SLAMF6: variants seen among roughly 807,000 people sequenced by gnomAD.
SLAMF6 encodes the protein SLAM family member 6, also known as NK-T-B-antigen.
A neutral mutation model predicts 38.3 loss-of-function variants in SLAMF6; 21 were observed. That is an observed-to-expected ratio of 0.55 (90% CI 0.39 to 0.79). The LOEUF (loss-of-function observed/expected upper bound fraction) is 0.79. Ranked by LOEUF, SLAMF6 falls within the 30% of genes least tolerant of loss-of-function variation. The pLI, the probability that SLAMF6 is intolerant of heterozygous loss-of-function variation, is 0.00. For synonymous variants in SLAMF6, 152 were observed against 146.3 expected, an observed-to-expected ratio of 1.04 and a Z score of -0.28; for missense variants, 341 against 385.3, an observed-to-expected ratio of 0.89 and a Z score of 0.96.
At chr1:160,516,019 GA>G (rs1334615102) in intron 1 of SLAMF6, among the ~76,000 whole-genome samples, 1 of 152,136 alleles carries the variant, frequency 6.6e-6, no homozygotes, top group African/African-American at 2.4e-5. Context: ...TCAGGCAAGA[GA>G]AAGAAATAAA....
rs187442947 is a variant in SLAMF6, at chr1:160,512,471, C to A, written c.49+10673G>T. Among the ~76,000 whole-genome samples the A allele has an allele frequency of 2.6e-4, 39 of 151,656 alleles. 1 individual carries two copies. In the East Asian group the frequency reaches 6.6e-3, roughly 26 times the overall value. ...CTGGGCAGTCTGGATAAGTAGGATC[C>A]CCCCCACCACAGCACATCCTTTCTG... On this transcript the variant is annotated intron_variant, in intron 1 of 7. Coordinates refer to ENST00000368057, the MANE Select transcript of SLAMF6 (RefSeq NM_001184714.2).
chr1:160,491,324 G>C lies in SLAMF6; in HGVS notation c.447C>G (p.Leu149=). 1 of 1,614,016 alleles carries C rather than the reference G, an allele frequency of 6.2e-7. No individual in the cohort carries two copies. Among genetic ancestry groups the C allele is most frequent in the African/African-American group, 1.3e-5 (1 of 75,002 alleles). The part of the protein sequence containing the change: ...SQLFQNMTCE[L]HLTCSVEDAD... ...CATCCTCCACAGAGCAAGTCAGATG[G>C]AGCTCACAGGTCATATTCTGAAATA... Residue 149 remains leucine, a synonymous_variant, in exon 3 of 8, where the codon CTC becomes CTG. Transcript: ENST00000368057.
intron 1 of SLAMF6, among the ~76,000 whole-genome samples, chr1:160,503,013 A>C (rs774612172): frequency 1.3e-5 from 2 of 152,176 alleles, no homozygotes; most frequent in African/African-American, 4.8e-5. Context: ...GAGTATTCAA[A>C]ACGGTGTCAT....
intron 1 of SLAMF6, among the ~76,000 whole-genome samples, chr1:160,517,135 T>C (rs1214166054): frequency 6.6e-6 from 1 of 151,934 alleles, no homozygotes; most frequent in Non-Finnish European, 1.5e-5. Context: ...AATATCCAGA[T>C]TCTACAAGGA....
rs1220097021 is a variant in SLAMF6, at chr1:160,491,153, G to T, written c.618C>A (p.Phe206Leu). ...IAENAVSNLSFSVSAQKLCED... is the reference protein window; with the variant it reads ...IAENAVSNLSLSVSAQKLCED... ...CGCAAAGCTTCTGGGCAGAGACAGA[G>T]AAGGATAAATTACTGACAGCATTCT... The change falls in exon 3 of 8, where the codon TTC becomes TTA. Residue 206 changes from phenylalanine to leucine, a missense_variant. Physicochemically the swap from Phe to Leu is conservative, Grantham distance 22. Transcript: ENST00000368057. The T allele has an allele frequency of 1.9e-6, 3 of 1,613,886 alleles. No homozygotes were observed. Among genetic ancestry groups the T allele is most frequent in the Non-Finnish European group, 2.5e-6 (3 of 1,179,978 alleles).
At chr1:160,497,459 A>C (rs760069462) in intron 1 of SLAMF6, among the ~76,000 whole-genome samples, 6 of 152,202 alleles carry the variant, frequency 3.9e-5, no homozygotes, top group Non-Finnish European at 7.3e-5. Flanking sequence ...CAATGAATGA[A>C]TAACTATAAC....
intron 1 of SLAMF6, among the ~76,000 whole-genome samples, chr1:160,510,733 C>T (rs563157764): frequency 1.8e-4 from 27 of 152,150 alleles, no homozygotes; most frequent in Non-Finnish European, 3.1e-4. Flanking sequence ...GAAGTTCTAG[C>T]CAGAGCAATT....
rs1237999809 is a variant in SLAMF6 at position 160,490,654 on chromosome 1, C to T, written c.678G>A (p.Met226Ile). The T allele has an allele frequency of 1.2e-6, 2 of 1,613,712 alleles. No individual in the cohort carries two copies. The highest frequency in any genetic ancestry group is 2.7e-5 in the African/African-American group (2 of 75,010). ...ATATCCCAGAAACCATAAACAGAAT[C>T]ATTTTGGTATCTGTATATTGAATTT... is the stretch of plus-strand genomic sequence containing the variant. Reference protein sequence around the residue: ...DVKIQYTDTKMILFMVSGICI... With the variant: ...DVKIQYTDTKIILFMVSGICI... Residue 226 changes from methionine (M) to isoleucine (I), a missense_variant, in exon 4 of 8, where the codon ATG (methionine) becomes ATA (isoleucine). Met to Ile is a conservative substitution (Grantham distance 10). Transcript: ENST00000368057.
At chr1:160,489,280 G>T in intron 5 of SLAMF6, 110 bp from the exon 6 acceptor site, 1 of 1,010,594 alleles carries the variant, frequency 9.9e-7, no homozygotes, top group Non-Finnish European at 1.5e-6. Context: ...GGTGTTTGAA[G>T]CATCTCCTTT....
chr1:160,494,816 C>T (rs1301652671), intron 2 of SLAMF6, among the ~76,000 whole-genome samples: 3 of 152,140 alleles, frequency 2.0e-5, no homozygotes, highest in Admixed American at 6.5e-5. Flanking sequence ...CAGCCCTGCC[C>T]ACACTGTGAT....
intron 2 of SLAMF6, among the ~76,000 whole-genome samples, chr1:160,494,619 A>C (rs904895898): frequency 6.6e-6 from 1 of 152,216 alleles, no homozygotes; most frequent in Non-Finnish European, 1.5e-5. Flanking sequence ...CCCAATGACA[A>C]ATGTTCCCAT....
chr1:160,489,257 C>A, intron 5 of SLAMF6, 87 bp from the exon 6 acceptor site: 5 of 1,295,466 alleles, frequency 3.9e-6, no homozygotes, highest in Non-Finnish European at 5.6e-6. Context: ...CACACTGTGT[C>A]CCCAGATAGG....
intron 1 of SLAMF6, among the ~76,000 whole-genome samples, chr1:160,508,313 A>C (rs1390494061): frequency 6.6e-6 from 1 of 152,228 alleles, no homozygotes; most frequent in African/African-American, 2.4e-5. Context: ...AAACATATAT[A>C]TAGATCAGTG....
In SLAMF6 at chr1:160,490,084, T is replaced by C. The variant is rs1483631199; in HGVS notation, c.796+114A>G. On this transcript the variant is annotated intron_variant, in intron 5 of 7. Transcript: ENST00000368057. Reference sequence around the variant, plus strand: ...CCCTCACAGCATGTGGTCTGAGTAATGACATTCTGACTCCTTCCTCTGTCA... The same window carrying C: ...CCCTCACAGCATGTGGTCTGAGTAACGACATTCTGACTCCTTCCTCTGTCA... 88 of 1,217,492 alleles carry C rather than the reference T, an allele frequency of 7.2e-5. 1 individual carries two copies. The South Asian group carries it at 9.9e-4, about 14-fold the overall frequency. The allele number at this position is 1,217,492 out of a possible 1,614,324, so 75.4% of individuals were successfully genotyped here.
At chr1:160,521,203 A>G (rs1380916494) in intron 1 of SLAMF6, among the ~76,000 whole-genome samples, 1 of 152,108 alleles carries the variant, frequency 6.6e-6, no homozygotes, top group Non-Finnish European at 1.5e-5. Context: ...TCTAGCAGCC[A>G]CTTCTCTCCT....
At chr1:160,511,872 G>A (rs12401994) in intron 1 of SLAMF6, among the ~76,000 whole-genome samples, 1 of 152,056 alleles carries the variant, frequency 6.6e-6, no homozygotes, top group African/African-American at 2.4e-5. Flanking sequence ...AGGAAAACAG[G>A]GTGGAACAAC....
chr1:160,490,633 C>T lies in SLAMF6; in HGVS notation c.699G>A (p.Gly233=). ...TGATGAAACCGAAGACTATGCATAT[C>T]CCAGAAACCATAAACAGAATCATTT... ...DTKMILFMVS[G]ICIVFGFIIL... Residue 233 remains glycine, a synonymous_variant, in exon 4 of 8, where the codon GGG becomes GGA. Transcript: ENST00000368057. 1.2e-6 allele frequency: 2 copies of T among 1,613,908 alleles called. No homozygotes were observed. Among genetic ancestry groups the T allele is most frequent in the Non-Finnish European group, 1.7e-6 (2 of 1,179,882 alleles).
At chr1:160,510,942 T>A (rs1654440653) in intron 1 of SLAMF6, among the ~76,000 whole-genome samples, 1 of 152,086 alleles carries the variant, frequency 6.6e-6, no homozygotes, top group African/African-American at 2.4e-5. Context: ...ACACTAGCAA[T>A]GAACAATCTG....
chr1:160,511,801 T>C (rs1654487037), intron 1 of SLAMF6, among the ~76,000 whole-genome samples: 1 of 151,998 alleles, frequency 6.6e-6, no homozygotes, highest in South Asian at 2.1e-4. Flanking sequence ...CACCAGCAAC[T>C]AAGGTATCCA....
Sources: allele counts gnomAD v4.1 joint callset (sites outside exome capture counted in the v4.1 genomes callset), GRCh38; gene constraint gnomAD v4.1.1; transcripts MANE v1.5; gene names NCBI Gene and HGNC (gene_info 2026-07-23, HGNC 2026-07-21).